FAM20C: variants seen among roughly 807,000 people sequenced by gnomAD.
The protein encoded by FAM20C is extracellular serine/threonine protein kinase FAM20C.
A neutral mutation model predicts 51.5 loss-of-function variants in FAM20C; 40 were observed. That is an observed-to-expected ratio of 0.78 (90% CI 0.60 to 1.01). FAM20C has a LOEUF of 1.01. Ranked by LOEUF, FAM20C falls within the 50% of genes least tolerant of loss-of-function variation. The pLI is 0.00. For missense variants in FAM20C, 861 were observed against 844.7 expected, an observed-to-expected ratio of 1.02 and a Z score of -0.24; for synonymous variants, 406 against 380.6, an observed-to-expected ratio of 1.07 and a Z score of -0.78.
Position 255,910 on chromosome 7 carries a change from C to A in FAM20C, c.1134C>A (p.Cys378Ter). ...SYYCSTEHALCGKPDQIEGSL... is the reference protein window; with the variant it reads ...SYYCSTEHAL The stretch of plus-strand genomic sequence containing the variant: ...ACTGCTCCACGGAGCACGCCCTGTG[C>A]GGGAAGCCAGACCAGATCGAGGGCT... The change falls in exon 6 of 10, where the codon TGC becomes TGA. Residue 378 changes from cysteine (C) to a stop codon, truncating the protein, a stop_gained. Transcript: ENST00000313766. LOFTEE classifies it high-confidence loss of function. The A allele has an allele frequency of 6.5e-7, 1 of 1,536,460 alleles. No individual in the cohort carries two copies. The highest frequency in any genetic ancestry group is 8.7e-7 in the Non-Finnish European group (1 of 1,146,872).
chr7:252,690 C>A (rs190976351), intron 5 of FAM20C, among the ~76,000 whole-genome samples: 1 of 152,314 alleles, frequency 6.6e-6, no homozygotes, highest in African/African-American at 2.4e-5. Context: ...GGAAGGTGGG[C>A]TCTGGGAGGG....
At chr7:220,983 G>A (rs978892403) in intron 3 of FAM20C, among the ~76,000 whole-genome samples, 2 of 128,050 alleles carry the variant, frequency 1.6e-5, no homozygotes, top group African/African-American at 2.9e-5. Flanking sequence ...GCGGAGGCTC[G>A]TCTCCAGCAG....
intron 9 of FAM20C, 33 bp from the exon 10 acceptor site, chr7:259,696 TCC>T: frequency 1.3e-6 from 2 of 1,515,090 alleles, no homozygotes; most frequent in Non-Finnish European, 1.8e-6. Context: ...ATCTCCCCTG[TCC>T]CGTGCCAGGC....
chr7:214,641 C>T (rs571529140), intron 3 of FAM20C, among the ~76,000 whole-genome samples: 3 of 152,244 alleles, frequency 2.0e-5, no homozygotes, highest in South Asian at 2.1e-4. Flanking sequence ...TGGAACTCAG[C>T]GTACCCATCT....
chr7:210,654 C>T (rs2115070299), intron 3 of FAM20C, among the ~76,000 whole-genome samples: 1 of 152,242 alleles, frequency 6.6e-6, no homozygotes, highest in South Asian at 2.1e-4. Context: ...CAGGAGCATC[C>T]CCTGGAGGGG....
rs753832568 is a variant in FAM20C, at chr7:195,575, T to C, written c.627T>C (p.Gly209=). Residue 209 remains glycine, a synonymous_variant, in exon 2 of 10, where the codon GGT becomes GGC. Coordinates refer to ENST00000313766, the MANE Select transcript of FAM20C (RefSeq NM_020223.4). The part of the protein sequence containing the change: ...NPDWPHAGAE[G]AEFLSPGEAA... ...GCAGGCCGCATGCGGGTGCTGAAGG[T>C]GCAGAATTCCTCTCCCCCGGGGAGG... is the stretch of plus-strand genomic sequence containing the variant. The C allele has an allele frequency of 1.3e-6, 2 of 1,593,678 alleles. No homozygotes were observed. The highest frequency in any genetic ancestry group is 1.1e-5 in the South Asian group (1 of 88,304).
chr7:194,176 A>T, intron 1 of FAM20C: 1 of 220,868 alleles, frequency 4.5e-6, no homozygotes, highest in Non-Finnish European at 8.9e-6. Flanking sequence ...ACACTTGGCG[A>T]GGGTGCTCTG....
Position 193,351 on chromosome 7 carries a change from C to A in FAM20C, c.152C>A (p.Pro51His). Reference sequence around the variant, plus strand: ...GAGCCCGGCTGTTCGTGCGCGCAGCCCGCCGCCGAGGTGGCCGCGCCCGGC... The same window carrying A: ...GAGCCCGGCTGTTCGTGCGCGCAGCACGCCGCCGAGGTGGCCGCGCCCGGC... Reference protein sequence around the residue: ...SGEPGCSCAQPAAEVAAPGWA... With the variant: ...SGEPGCSCAQHAAEVAAPGWA... The change falls in exon 1 of 10, where the codon CCC becomes CAC. Residue 51 changes from proline (P) to histidine (H), a missense_variant. This residue lies in a region of FAM20C where 561 missense variants were observed against 499.8 expected (regional missense o/e 1.12). Transcript: ENST00000313766. The A allele has an allele frequency of 7.8e-7, 1 of 1,285,908 alleles. No homozygotes were observed. The highest frequency in any genetic ancestry group is 3.9e-5 in the Admixed American group (1 of 25,790). 79.7% of individuals were successfully genotyped at this position (1,285,908 alleles called of 1,614,324 possible).
intron 5 of FAM20C, 127 bp from the exon 6 acceptor site, chr7:255,722 A>G (rs952141410): frequency 9.9e-6 from 9 of 909,678 alleles, no homozygotes; most frequent in Non-Finnish European, 1.5e-5. Flanking sequence ...ATTGATGGGG[A>G]ACTGTGGGTG....
At chr7:195,964 G>C (rs1785847772) in intron 2 of FAM20C, among the ~76,000 whole-genome samples, 1 of 152,254 alleles carries the variant, frequency 6.6e-6, no homozygotes, top group Non-Finnish European at 1.5e-5. Context: ...GAGACGCCTG[G>C]ACAGCCGGTC....
intron 3 of FAM20C, among the ~76,000 whole-genome samples, chr7:231,002 C>T (rs2115117708): frequency 6.6e-6 from 1 of 152,232 alleles, no homozygotes; most frequent in African/African-American, 2.4e-5. Context: ...CGCCTGAGCC[C>T]AGGAGGCTGA....
intron 3 of FAM20C, among the ~76,000 whole-genome samples, chr7:241,556 TTGTGTG>T (rs1221493976): frequency 1.8e-4 from 27 of 148,950 alleles, no homozygotes; most frequent in African/African-American, 4.2e-4. Flanking sequence ...TCTGTGGGGG[TTGTGTG>T]TGTGTGTGTG....
Position 206,934 on chromosome 7 carries a change from G to A in FAM20C, c.785-1964G>A, listed in dbSNP as rs62430285. Among the ~76,000 whole-genome samples the A allele has an allele frequency of 7.8e-4, 22 of 28,194 alleles. 1 individual carries two copies. Among genetic ancestry groups the A allele is most frequent in the Non-Finnish European group, 8.0e-4 (12 of 15,094 alleles). 18.5% of individuals were successfully genotyped at this position (28,194 alleles called of 152,430 possible). ...ACTGTCCCCTCGGCCCCGCACACGTGTCCACTGTGAGGCGTCGGTCACGGC... is the reference window on the plus strand; with the variant it reads ...ACTGTCCCCTCGGCCCCGCACACGTATCCACTGTGAGGCGTCGGTCACGGC... On this transcript the variant is annotated intron_variant, in intron 2 of 9. Coordinates refer to ENST00000313766, the MANE Select transcript of FAM20C (RefSeq NM_020223.4).
At chr7:232,177 A>G (rs62430335) in intron 3 of FAM20C, among the ~76,000 whole-genome samples, 7,724 of 152,304 alleles carry the variant, frequency 0.051, 256 homozygotes, top group Non-Finnish European at 0.079. Flanking sequence ...TGACGCCCTG[A>G]GCTGCCTCCT....
chr7:256,504 C>A, intron 6 of FAM20C, 150 bp from the exon 7 acceptor site: 1 of 670,702 alleles, frequency 1.5e-6, no homozygotes, highest in South Asian at 1.8e-5. Flanking sequence ...CCCGTGCTCC[C>A]GCTAATGCAG....
At chr7:241,394 G>T (rs1359583950) in intron 3 of FAM20C, among the ~76,000 whole-genome samples, 5 of 151,908 alleles carry the variant, frequency 3.3e-5, no homozygotes, top group Non-Finnish European at 7.4e-5. Context: ...CGTGAGCTTT[G>T]AGTCTCTTTG....
At chr7:246,157 G>A (rs1276408220) in intron 3 of FAM20C, 6 of 448,610 alleles carry the variant, frequency 1.3e-5, no homozygotes, top group East Asian at 4.2e-5. Context: ...AAGGGCCTGC[G>A]CTGCTCTGAG....
chr7:246,303 C>G, intron 3 of FAM20C, 112 bp from the exon 4 acceptor site: 1 of 895,920 alleles, frequency 1.1e-6, no homozygotes, highest in Non-Finnish European at 1.8e-6. Flanking sequence ...CCTGAGGAGG[C>G]TGGAGCTCCA....
intron 3 of FAM20C, among the ~76,000 whole-genome samples, chr7:210,417 G>A (rs1040093592): frequency 6.6e-6 from 1 of 152,160 alleles, no homozygotes; most frequent in African/African-American, 2.4e-5. Context: ...TCAGGATGCT[G>A]TGGTGTGGAG....
Sources: allele counts gnomAD v4.1 joint callset (sites outside exome capture counted in the v4.1 genomes callset), GRCh38; gene constraint gnomAD v4.1.1; regional missense constraint gnomAD v4.1.1; transcripts MANE v1.5; gene names NCBI Gene and HGNC (gene_info 2026-07-23, HGNC 2026-07-21).